The following CADM2 variants were observed in gnomAD, a reference collection of about 807,000 sequenced individuals.
The protein encoded by CADM2 is immunoglobulin superfamily member 4D.
In CADM2, 12 loss-of-function variants were observed where a neutral mutation model predicts 49.8. That is an observed-to-expected ratio of 0.24 (90% CI 0.15 to 0.39). CADM2 has a LOEUF of 0.39. Among genes scored for constraint, CADM2 ranks in the 10% least tolerant of loss-of-function variants. The pLI is 1.00. For synonymous variants in CADM2, 214 were observed against 175.4 expected, an observed-to-expected ratio of 1.22 and a Z score of -1.74; for missense variants, 378 against 492.3, an observed-to-expected ratio of 0.77 and a Z score of 2.20.
chr3:85,904,231 T>C (rs2108457524), intron 5 of CADM2, among the ~76,000 whole-genome samples: 1 of 152,266 alleles, frequency 6.6e-6, no homozygotes, highest in East Asian at 1.9e-4. Flanking sequence ...ATCTCCCCTC[T>C]ATAAGTGAGC....
At chr3:85,721,594 G>A (rs539006043) in intron 1 of CADM2, among the ~76,000 whole-genome samples, 23 of 152,258 alleles carry the variant, frequency 1.5e-4, no homozygotes, top group Non-Finnish European at 2.6e-4. Context: ...TCCAGGTGCC[G>A]GCATGGGCAC....
chr3:85,154,789 A>G (rs1444759308), intron 1 of CADM2, among the ~76,000 whole-genome samples: 85 of 145,742 alleles, frequency 5.8e-4, no homozygotes, highest in African/African-American at 2.2e-3. Flanking sequence ...AATATTCAAC[A>G]TTCTTAAAGA....
At chr3:85,031,781 G>A (rs552435064) in intron 1 of CADM2, among the ~76,000 whole-genome samples, 3 of 151,770 alleles carry the variant, frequency 2.0e-5, no homozygotes, top group East Asian at 3.9e-4. Flanking sequence ...TGGCCTCCCA[G>A]AGTGCCGGGA....
intron 1 of CADM2, among the ~76,000 whole-genome samples, chr3:85,370,017 A>G (rs2033090981): frequency 6.6e-6 from 1 of 151,906 alleles, no homozygotes; most frequent in Admixed American, 6.6e-5. Context: ...AGATATGTTT[A>G]TCCAAAAGGA....
At chr3:85,847,440 A>G (rs74433724) in intron 3 of CADM2, among the ~76,000 whole-genome samples, 5,719 of 152,312 alleles carry the variant, frequency 0.038, 157 homozygotes, top group Middle Eastern at 0.061. Flanking sequence ...ATACGGCATC[A>G]GAATTGAAGC....
intron 1 of CADM2, among the ~76,000 whole-genome samples, chr3:85,107,652 TTTC>T (rs1206303812): frequency 2.0e-5 from 3 of 150,120 alleles, no homozygotes; most frequent in Middle Eastern, 3.4e-3. Context: ...TCTTTCTTTC[TTTC>T]TTTTTTTCCT....
chr3:85,663,231 A>G (rs2065464713), intron 1 of CADM2, among the ~76,000 whole-genome samples: 1 of 152,032 alleles, frequency 6.6e-6, no homozygotes, highest in African/African-American at 2.4e-5. Context: ...TGTGGTGAAG[A>G]TTACTCCATA....
At chr3:85,134,037 C>T (rs1254695993) in intron 1 of CADM2, among the ~76,000 whole-genome samples, 1 of 152,226 alleles carries the variant, frequency 6.6e-6, no homozygotes, top group Non-Finnish European at 1.5e-5. Context: ...GGTGAGAAAT[C>T]GAGCGCAGCG....
chr3:85,833,026 TTTTATCAAAAGCATTTTCTGCATCTA>T (rs2074250422), intron 3 of CADM2, among the ~76,000 whole-genome samples: 1 of 151,946 alleles, frequency 6.6e-6, no homozygotes, highest in Non-Finnish European at 1.5e-5. Context: ...GGATGTTGAA[TTTTATCAAAAGCATTTTCTGCATCTA>T]TTTATCAAAA....
intron 1 of CADM2, among the ~76,000 whole-genome samples, chr3:85,088,550 G>C (rs528874322): frequency 1.3e-5 from 2 of 152,038 alleles, no homozygotes; most frequent in Non-Finnish European, 2.9e-5. Context: ...GAGAGTAAGA[G>C]CAGAATAACT....
intron 1 of CADM2, among the ~76,000 whole-genome samples, chr3:85,270,665 T>C (rs555712289): frequency 1.3e-5 from 2 of 151,234 alleles, no homozygotes; most frequent in East Asian, 2.0e-4. Context: ...TCAACCCTAA[T>C]GTAAACCTAG....
intron 1 of CADM2, among the ~76,000 whole-genome samples, chr3:85,032,438 A>G (rs927912125): frequency 5.3e-5 from 8 of 152,226 alleles, no homozygotes; most frequent in Non-Finnish European, 1.5e-5. Context: ...CAAATTTACC[A>G]CTAAAGACAC....
At chr3:85,067,370 G>C (rs2036566169) in intron 1 of CADM2, among the ~76,000 whole-genome samples, 1 of 151,864 alleles carries the variant, frequency 6.6e-6, no homozygotes, top group Non-Finnish European at 1.5e-5. Context: ...AAACATGTTG[G>C]CTTTTTATTA....
At chr3:85,060,229 C>G (rs1268165198) in intron 1 of CADM2, among the ~76,000 whole-genome samples, 6 of 152,168 alleles carry the variant, frequency 3.9e-5, no homozygotes, top group African/African-American at 9.7e-5. Context: ...CTGCCAGGTT[C>G]AAGTGATTCT....
chr3:85,582,132 G>A (rs576046446), intron 1 of CADM2, among the ~76,000 whole-genome samples: 7 of 151,964 alleles, frequency 4.6e-5, no homozygotes, highest in Non-Finnish European at 8.8e-5. Flanking sequence ...CACCATGTTG[G>A]CCAGGATGGT....
intron 8 of CADM2, among the ~76,000 whole-genome samples, chr3:86,064,072 A>G (rs1374125893): frequency 1.3e-5 from 2 of 151,278 alleles, no homozygotes; most frequent in East Asian, 3.9e-4. Flanking sequence ...TTTTTTTATT[A>G]TACTTTAAGT....
chr3:85,947,871 G>A (rs1402960291), intron 7 of CADM2, among the ~76,000 whole-genome samples: 3 of 151,440 alleles, frequency 2.0e-5, no homozygotes, highest in Non-Finnish European at 3.0e-5. Context: ...CACGATTATA[G>A]ATCCATAGAG....
At chr3:85,510,945 CAT>C (rs1254237356) in intron 1 of CADM2, among the ~76,000 whole-genome samples, 2 of 151,948 alleles carry the variant, frequency 1.3e-5, no homozygotes, top group Admixed American at 6.6e-5. Context: ...CAATACAAAA[CAT>C]AGATTTCCAA....
At chr3:84,998,033 A>G (rs1054006442) in intron 1 of CADM2, among the ~76,000 whole-genome samples, 2 of 152,118 alleles carry the variant, frequency 1.3e-5, no homozygotes, top group African/African-American at 4.8e-5. Flanking sequence ...TGCAAGTAAG[A>G]TGTATCTTCT....
Sources: gnomAD v4.1 joint callset for allele counts (sites outside exome capture counted in the v4.1 genomes callset) on GRCh38, gnomAD v4.1.1 for gene constraint, MANE v1.5 for transcripts, NCBI Gene and HGNC (gene_info 2026-07-23, HGNC 2026-07-21) for gene names.